The following SH3GL2 variants were observed in gnomAD, a reference collection of about 807,000 sequenced individuals.
SH3GL2 encodes endophilin-A1.
SH3GL2 carries 24 observed loss-of-function variants against 46.0 expected under a neutral mutation model. The observed-to-expected ratio is 0.52, with a 90% CI of 0.38 to 0.73. The LOEUF is 0.73. Among genes scored for constraint, SH3GL2 ranks in the 30% least tolerant of loss-of-function variants. The probability of loss-of-function intolerance (pLI) is 0.00; values close to 1 mark genes in which losing one functional copy is unlikely to be tolerated. For missense variants in SH3GL2, 413 were observed against 424.2 expected (o/e 0.97, Z 0.23); for synonymous variants, 196 against 147.1 (o/e 1.33, Z -2.40).
rs1818746603 is a variant in SH3GL2, at chr9:17,605,522, A to G, written c.45+26235A>G. On this transcript the variant is annotated intron_variant, in intron 1 of 8. Transcript: ENST00000380607. Reference sequence around the variant, plus strand: ...TAAAGGGTAATGAAATGCTGCTGACATGCAGGGGCTCAGCACTTTCAGTAT... The same window carrying G: ...TAAAGGGTAATGAAATGCTGCTGACGTGCAGGGGCTCAGCACTTTCAGTAT... 3.9e-5 allele frequency among the ~76,000 whole-genome samples: 6 copies of G among 152,172 alleles called. 1 individual carries two copies. In the South Asian group the frequency reaches 1.2e-3, roughly 32 times the overall value.
chr9:17,758,176 T>C (rs1563842088), intron 2 of SH3GL2, among the ~76,000 whole-genome samples: 1 of 152,146 alleles, frequency 6.6e-6, no homozygotes, highest in African/African-American at 2.4e-5. Context: ...AGGCCACAGG[T>C]GTGGACATTT....
intron 1 of SH3GL2, among the ~76,000 whole-genome samples, chr9:17,697,937 A>G (rs771786159): frequency 6.6e-6 from 1 of 152,204 alleles, no homozygotes; most frequent in Non-Finnish European, 1.5e-5. Context: ...TCTGGGAGCT[A>G]GAAAATGGGC....
At chr9:17,656,110 C>T (rs758314293) in intron 1 of SH3GL2, among the ~76,000 whole-genome samples, 2 of 152,000 alleles carry the variant, frequency 1.3e-5, no homozygotes, top group Non-Finnish European at 2.9e-5. Context: ...ATTGATTTAT[C>T]GTCTACTTAG....
intron 2 of SH3GL2, among the ~76,000 whole-genome samples, chr9:17,749,883 T>G (rs1220715503): frequency 6.6e-6 from 1 of 152,232 alleles, no homozygotes; most frequent in Admixed American, 6.5e-5. Context: ...ATAGAAATGT[T>G]TCTGAAACTT....
chr9:17,679,818 A>T (rs1820720726), intron 1 of SH3GL2, among the ~76,000 whole-genome samples: 1 of 152,124 alleles, frequency 6.6e-6, no homozygotes, highest in East Asian at 1.9e-4. Context: ...TACCTAATTT[A>T]TTGAGAGTTT....
At chr9:17,754,519 A>G (rs910189639) in intron 2 of SH3GL2, among the ~76,000 whole-genome samples, 2 of 151,992 alleles carry the variant, frequency 1.3e-5, no homozygotes, top group Non-Finnish European at 2.9e-5. Flanking sequence ...TAAATATACA[A>G]AAAATTAGCT....
intron 1 of SH3GL2, among the ~76,000 whole-genome samples, chr9:17,606,152 G>A (rs994451572): frequency 6.6e-6 from 1 of 152,080 alleles, no homozygotes. Flanking sequence ...GAGTGCAATG[G>A]CGTGATCTCA....
At position 17,645,350 on chromosome 9, in the gene SH3GL2, T is replaced by TG. The variant is rs1188191354; in HGVS notation, c.45+66067dup. 3.9e-5 allele frequency among the ~76,000 whole-genome samples: 6 copies of TG among 152,042 alleles called. No individual in the cohort carries two copies. The East Asian group carries it at 1.2e-3, about 29-fold the overall frequency. ...AATTTGCAAGTCTGTGCCTTTTAAT[T>TG]GGGGCATTTATCCCATTTACATTTA... On this transcript the variant is annotated intron_variant, in intron 1 of 8. Transcript: ENST00000380607.
Position 17,614,246 on chromosome 9 carries a change from G to T in SH3GL2, c.45+34959G>T, listed in dbSNP as rs546329010. Among the ~76,000 whole-genome samples the T allele has an allele frequency of 4.8e-5, 6 of 124,296 alleles. No individual in the cohort carries two copies. In the Middle Eastern group the frequency reaches 0.021, roughly 432 times the overall value. The allele number at this position is 124,296 out of a possible 152,430, so 81.5% of individuals were successfully genotyped here. On this transcript the variant is annotated intron_variant, in intron 1 of 8. Transcript: ENST00000380607. ...TCTCAGTCTTGACAAAGTTGCCATT[G>T]TGCATATGTGTATTTGTGTGTGTGT...
At chr9:17,732,570 T>TA (rs1351846544) in intron 1 of SH3GL2, among the ~76,000 whole-genome samples, 1 of 152,074 alleles carries the variant, frequency 6.6e-6, no homozygotes, top group Admixed American at 6.6e-5. Flanking sequence ...TAGTTTAAAA[T>TA]ACTGTCTAAC....
intron 3 of SH3GL2, among the ~76,000 whole-genome samples, chr9:17,779,749 T>C (rs560879048): frequency 4.6e-5 from 7 of 152,306 alleles, no homozygotes; most frequent in Admixed American, 2.6e-4. Flanking sequence ...TTTCAGATGT[T>C]GTCAGATAAG....
At chr9:17,748,810 C>T (rs1243032540) in intron 2 of SH3GL2, among the ~76,000 whole-genome samples, 2 of 151,996 alleles carry the variant, frequency 1.3e-5, no homozygotes, top group African/African-American at 4.8e-5. Flanking sequence ...AGGAAACTCA[C>T]CCATACTGCA....
At chr9:17,638,369 A>C (rs1389383842) in intron 1 of SH3GL2, among the ~76,000 whole-genome samples, 1 of 152,206 alleles carries the variant, frequency 6.6e-6, no homozygotes, top group Admixed American at 6.5e-5. Flanking sequence ...TGCTAGAGGT[A>C]TATAAACCAG....
At chr9:17,784,736 GAGAC>G (rs1404959234) in intron 3 of SH3GL2, among the ~76,000 whole-genome samples, 1 of 152,100 alleles carries the variant, frequency 6.6e-6, no homozygotes, top group African/African-American at 2.4e-5. Flanking sequence ...TTTTAAAAAA[GAGAC>G]AGGCTCTTGC....
intron 1 of SH3GL2, among the ~76,000 whole-genome samples, chr9:17,611,964 ATCT>A (rs907013392): frequency 3.3e-5 from 5 of 152,182 alleles, no homozygotes; most frequent in Admixed American, 6.5e-5. Context: ...TGTGTGCATC[ATCT>A]TCTTTCACCC....
chr9:17,670,446 G>A (rs1220836877), intron 1 of SH3GL2, among the ~76,000 whole-genome samples: 1 of 152,158 alleles, frequency 6.6e-6, no homozygotes, highest in African/African-American at 2.4e-5. Flanking sequence ...AAGAAACTGC[G>A]AAAGTGTTTT....
intron 1 of SH3GL2, among the ~76,000 whole-genome samples, chr9:17,625,451 A>G (rs1295662193): frequency 6.6e-6 from 1 of 152,210 alleles, no homozygotes; most frequent in Non-Finnish European, 1.5e-5. Flanking sequence ...CTTTCTTACC[A>G]GTATGGAGCT....
At chr9:17,624,979 T>G (rs1376042693) in intron 1 of SH3GL2, among the ~76,000 whole-genome samples, 3 of 152,218 alleles carry the variant, frequency 2.0e-5, no homozygotes, top group Non-Finnish European at 4.4e-5. Context: ...GTTCAGAGTG[T>G]GAGTGAGATG....
Position 17,770,297 on chromosome 9 carries a change from A to T in SH3GL2, c.187+8788A>T, listed in dbSNP as rs149912446. Among the ~76,000 whole-genome samples, 168 of 152,354 alleles carry T rather than the reference A, an allele frequency of 1.1e-3. 1 individual carries two copies. Among genetic ancestry groups the T allele is most frequent in the Admixed American group, 0.01 (155 of 15,308 alleles). ...TTTGAATGAGAAAACTGAAGCTGCA[A>T]GGTGATTAGCAATTTGCCCGAACTA... On this transcript the variant is annotated intron_variant, in intron 3 of 8. Transcript: ENST00000380607.
Sources: gnomAD v4.1 joint callset for allele counts (sites outside exome capture counted in the v4.1 genomes callset) on GRCh38, gnomAD v4.1.1 for gene constraint, MANE v1.5 for transcripts, NCBI Gene and HGNC (gene_info 2026-07-23, HGNC 2026-07-21) for gene names.